NOS1AP: variants seen among roughly 807,000 people sequenced by gnomAD.
NOS1AP encodes carboxyl-terminal PDZ ligand of neuronal nitric oxide synthase protein.
Under a neutral mutation model 56.2 loss-of-function variants are expected in NOS1AP, and 21 were observed. That is an observed-to-expected ratio of 0.37 (90% CI 0.26 to 0.54). NOS1AP has a LOEUF of 0.54. Ranked by LOEUF, NOS1AP falls within the 20% of genes least tolerant of loss-of-function variation. NOS1AP has a pLI of 0.84. For synonymous variants in NOS1AP, 270 were observed against 274.6 expected, an observed-to-expected ratio of 0.98 and a Z score of 0.17; for missense variants, 522 against 657.8, an observed-to-expected ratio of 0.79 and a Z score of 2.26.
chr1:162,317,429 C>T (rs1656267158), intron 4 of NOS1AP: 2 of 152,294 alleles, frequency 1.3e-5, no homozygotes, highest in South Asian at 4.1e-4. Flanking sequence ...GAAGAATTTT[C>T]TTAGTAAAAG....
chr1:162,152,796 T>C (rs954977041), intron 1 of NOS1AP, among the ~76,000 whole-genome samples: 1 of 152,224 alleles, frequency 6.6e-6, no homozygotes, highest in Non-Finnish European at 1.5e-5. Flanking sequence ...GGGTCAGGCC[T>C]CAGCTCCAAA....
chr1:162,267,161 G>C (rs1394902721), intron 2 of NOS1AP, among the ~76,000 whole-genome samples: 1 of 152,166 alleles, frequency 6.6e-6, no homozygotes, highest in Non-Finnish European at 1.5e-5. Context: ...CCTGGTGTAA[G>C]TGGAAAACTA....
At chr1:162,160,888 G>A (rs1401329616) in intron 2 of NOS1AP, among the ~76,000 whole-genome samples, 1 of 152,098 alleles carries the variant, frequency 6.6e-6, no homozygotes, top group Non-Finnish European at 1.5e-5. Flanking sequence ...GTCCAAAATG[G>A]GGCTAAAATC....
chr1:162,258,247 C>T (rs1459914263), intron 2 of NOS1AP, among the ~76,000 whole-genome samples: 1 of 152,170 alleles, frequency 6.6e-6, no homozygotes, highest in Non-Finnish European at 1.5e-5. Flanking sequence ...TATTGGACAT[C>T]CATCTTTTCT....
At chr1:162,342,529 C>A in intron 5 of NOS1AP, 1 of 477,948 alleles carries the variant, frequency 2.1e-6, no homozygotes, top group Non-Finnish European at 4.4e-6. Flanking sequence ...GTTCCAAGGT[C>A]CCTAGGAGTT....
chr1:162,327,855 C>T (rs995278322), intron 4 of NOS1AP, among the ~76,000 whole-genome samples: 4 of 152,184 alleles, frequency 2.6e-5, no homozygotes, highest in East Asian at 3.9e-4. Context: ...GGAATATGTA[C>T]GGAAAAAGTT....
intron 2 of NOS1AP, among the ~76,000 whole-genome samples, chr1:162,264,479 C>CCTCTCCTCTCCTCT (rs1654353262): frequency 5.2e-5 from 1 of 19,226 alleles, no homozygotes; most frequent in Non-Finnish European, 7.6e-5. Flanking sequence ...CCCTCCCCTC[C>CCTCTCCTCTCCTCT]CCTCCCCTCT....
chr1:162,213,340 A>G (rs1160600472), intron 2 of NOS1AP, among the ~76,000 whole-genome samples: 1 of 152,040 alleles, frequency 6.6e-6, no homozygotes, highest in Non-Finnish European at 1.5e-5. Flanking sequence ...CCTTTAATCC[A>G]GTGGTGGTTA....
At chr1:162,293,088 T>C (rs2101745400) in intron 3 of NOS1AP, among the ~76,000 whole-genome samples, 1 of 152,338 alleles carries the variant, frequency 6.6e-6, no homozygotes, top group Non-Finnish European at 1.5e-5. Flanking sequence ...GGAGGATTTA[T>C]TACTGCTTCA....
At chr1:162,165,899 T>C (rs1174718452) in intron 2 of NOS1AP, among the ~76,000 whole-genome samples, 1 of 152,204 alleles carries the variant, frequency 6.6e-6, no homozygotes, top group Non-Finnish European at 1.5e-5. Context: ...ATTCAATATG[T>C]CAAAAAACTG....
At chr1:162,197,475 G>C (rs891559382) in intron 2 of NOS1AP, among the ~76,000 whole-genome samples, 5 of 152,212 alleles carry the variant, frequency 3.3e-5, no homozygotes, top group African/African-American at 1.2e-4. Context: ...CTTACTGGGA[G>C]CTTTCAGATC....
intron 2 of NOS1AP, among the ~76,000 whole-genome samples, chr1:162,279,509 C>G (rs1165998774): frequency 1.3e-5 from 2 of 152,182 alleles, no homozygotes; most frequent in African/African-American, 4.8e-5. Flanking sequence ...CTCAACGTTC[C>G]AAACAGCAAC....
intron 2 of NOS1AP, among the ~76,000 whole-genome samples, chr1:162,216,803 G>C (rs1652582685): frequency 6.6e-6 from 1 of 152,216 alleles, no homozygotes. Context: ...ATTACTGGCT[G>C]TGTGACCTTG....
intron 1 of NOS1AP, among the ~76,000 whole-genome samples, chr1:162,086,518 G>A (rs551388079): frequency 6.6e-6 from 1 of 152,240 alleles, no homozygotes; most frequent in African/African-American, 2.4e-5. Flanking sequence ...CCAGAGCTTA[G>A]CACAGTGCCT....
At chr1:162,239,134 C>A (rs1006625247) in intron 2 of NOS1AP, among the ~76,000 whole-genome samples, 2 of 152,136 alleles carry the variant, frequency 1.3e-5, no homozygotes, top group African/African-American at 2.4e-5. Context: ...GAGTAATAGA[C>A]CAACTTTTAC....
chr1:162,223,054 CGTT>C (rs1031979262), intron 2 of NOS1AP, among the ~76,000 whole-genome samples: 1 of 152,130 alleles, frequency 6.6e-6, no homozygotes, highest in Non-Finnish European at 1.5e-5. Context: ...TGTTCAAAGA[CGTT>C]GTAACATTTT....
chr1:162,124,254 T>C (rs1485088861), intron 1 of NOS1AP, among the ~76,000 whole-genome samples: 3 of 152,102 alleles, frequency 2.0e-5, no homozygotes, highest in African/African-American at 7.2e-5. Context: ...ACTCACTAGG[T>C]AGTTTTTCAT....
intron 1 of NOS1AP, among the ~76,000 whole-genome samples, chr1:162,147,053 G>T (rs113961219): frequency 6.6e-6 from 1 of 152,152 alleles, no homozygotes; most frequent in African/African-American, 2.4e-5. Flanking sequence ...TACAAGGCCG[G>T]GCGCGGTGGC....
intron 2 of NOS1AP, among the ~76,000 whole-genome samples, chr1:162,228,084 G>A (rs955947420): frequency 1.3e-5 from 2 of 152,158 alleles, no homozygotes; most frequent in African/African-American, 2.4e-5. Flanking sequence ...GTCAACAGTC[G>A]AAGAGATCAA....
Sources: gnomAD v4.1 joint callset for allele counts (sites outside exome capture counted in the v4.1 genomes callset) on GRCh38, gnomAD v4.1.1 for gene constraint, MANE v1.5 for transcripts, NCBI Gene and HGNC (gene_info 2026-07-23, HGNC 2026-07-21) for gene names.